Variants in SCLT1 observed in about 807,000 individuals in gnomAD.
SCLT1 encodes the protein sodium channel and clathrin linker 1, also known as sodium channel-associated protein 1.
A neutral mutation model predicts 112.8 loss-of-function variants in SCLT1; 78 were observed. The observed-to-expected ratio is 0.69, with a 90% CI of 0.58 to 0.83. The LOEUF is 0.83. Ranked by LOEUF, SCLT1 falls within the 40% of genes least tolerant of loss-of-function variation. The pLI is 0.00. For missense variants in SCLT1, 747 were observed against 770.4 expected (o/e 0.97, Z 0.36); for synonymous variants, 257 against 254.7 (o/e 1.01, Z -0.09).
intron 10 of SCLT1, among the ~76,000 whole-genome samples, chr4:128,969,432 C>T (rs1354306142): frequency 2.6e-5 from 4 of 151,936 alleles, no homozygotes; most frequent in South Asian, 2.1e-4. Context: ...ATTAGCCAGG[C>T]GTGGCGGCGT....
chr4:129,079,770 T>C (rs1751777249), intron 2 of SCLT1, among the ~76,000 whole-genome samples: 1 of 152,244 alleles, frequency 6.6e-6, no homozygotes, highest in Non-Finnish European at 1.5e-5. Context: ...CTACATTTCC[T>C]CTTTGCACTG....
intron 15 of SCLT1, among the ~76,000 whole-genome samples, chr4:128,947,221 A>G (rs909335883): frequency 6.6e-6 from 1 of 152,166 alleles, no homozygotes; most frequent in Non-Finnish European, 1.5e-5. Context: ...TTTGCCTTGT[A>G]AGTTTTACAT....
intron 2 of SCLT1, among the ~76,000 whole-genome samples, chr4:129,071,620 C>G (rs1381271777): frequency 6.6e-6 from 1 of 152,048 alleles, no homozygotes; most frequent in Admixed American, 6.6e-5. Flanking sequence ...ATGACTACTC[C>G]TGCTCGCTTT....
intron 4 of SCLT1, chr4:129,039,900 GCACACACACA>G (rs36041794): frequency 0.011 from 2,383 of 218,982 alleles, 46 homozygotes; most frequent in African/African-American, 0.048. Flanking sequence ...GTGCGCGCGC[GCACACACACA>G]CACACACACA....
chr4:128,973,787 T>C (rs1740911980), intron 9 of SCLT1, among the ~76,000 whole-genome samples: 1 of 152,198 alleles, frequency 6.6e-6, no homozygotes, highest in African/African-American at 2.4e-5. Flanking sequence ...TATTATATTA[T>C]GTTCACTAAA....
At chr4:128,922,484 G>C (rs1220220294) in intron 18 of SCLT1, among the ~76,000 whole-genome samples, 2 of 152,096 alleles carry the variant, frequency 1.3e-5, no homozygotes, top group Non-Finnish European at 2.9e-5. Flanking sequence ...AAAAGAATGA[G>C]ATTATGTCCT....
chr4:129,058,616 G>T (rs989601952), intron 2 of SCLT1, among the ~76,000 whole-genome samples: 14 of 152,100 alleles, frequency 9.2e-5, no homozygotes, highest in Non-Finnish European at 1.6e-4. Flanking sequence ...GTTGAGACTT[G>T]TTTTGTGGCC....
chr4:128,895,496 T>C (rs1414738295), intron 18 of SCLT1, among the ~76,000 whole-genome samples: 2 of 152,176 alleles, frequency 1.3e-5, no homozygotes, highest in Admixed American at 1.3e-4. Flanking sequence ...TTTTAGATTG[T>C]GTTTTTCGGA....
chr4:129,058,004 C>T (rs1394477295), intron 2 of SCLT1, among the ~76,000 whole-genome samples: 2 of 152,260 alleles, frequency 1.3e-5, no homozygotes, highest in Non-Finnish European at 2.9e-5. Flanking sequence ...CCACTTTGGC[C>T]TCCCAAAGTG....
intron 6 of SCLT1, among the ~76,000 whole-genome samples, chr4:129,002,451 T>C (rs912455345): frequency 2.6e-5 from 4 of 152,034 alleles, no homozygotes; most frequent in African/African-American, 9.7e-5. Flanking sequence ...AAAAATATAG[T>C]ACTCTTAATA....
chr4:129,087,755 TAAAAAAAA>T (rs71589026), intron 1 of SCLT1, among the ~76,000 whole-genome samples: 1 of 104,464 alleles, frequency 9.6e-6, no homozygotes, highest in Non-Finnish European at 1.8e-5. Flanking sequence ...TTGCGCAAGT[TAAAAAAAA>T]AAAAAAAAAA....
intron 18 of SCLT1, among the ~76,000 whole-genome samples, chr4:128,911,912 G>T (rs1271769599): frequency 6.6e-6 from 1 of 152,182 alleles, no homozygotes; most frequent in Admixed American, 6.5e-5. Flanking sequence ...AAGATTCAAT[G>T]CATACAACTA....
intron 18 of SCLT1, among the ~76,000 whole-genome samples, chr4:128,914,791 C>T (rs765634429): frequency 6.6e-6 from 1 of 152,068 alleles, no homozygotes; most frequent in Non-Finnish European, 1.5e-5. Context: ...ATAGTTTCTT[C>T]TACAGTATTT....
intron 9 of SCLT1, among the ~76,000 whole-genome samples, chr4:128,982,665 C>A (rs1328602639): frequency 2.6e-5 from 4 of 152,020 alleles, no homozygotes; most frequent in Non-Finnish European, 5.9e-5. Context: ...CCATGCCCGG[C>A]TAATTTTTGT....
chr4:128,923,409 C>T (rs1736030059), intron 18 of SCLT1, among the ~76,000 whole-genome samples: 1 of 137,468 alleles, frequency 7.3e-6, no homozygotes, highest in South Asian at 2.3e-4. Context: ...CGTGCCACTG[C>T]ACTCCAGCCT....
At chr4:128,967,501 C>T (rs966285291) in intron 10 of SCLT1, among the ~76,000 whole-genome samples, 4 of 152,154 alleles carry the variant, frequency 2.6e-5, no homozygotes, top group African/African-American at 7.2e-5. Context: ...CTTTTCTCAG[C>T]AATATTGCCG....
At chr4:129,032,939 T>C (rs991288900) in intron 5 of SCLT1, among the ~76,000 whole-genome samples, 6 of 152,122 alleles carry the variant, frequency 3.9e-5, no homozygotes, top group African/African-American at 1.4e-4. Context: ...TCCTCAAGGA[T>C]CTAGAACCAG....
intron 9 of SCLT1, among the ~76,000 whole-genome samples, chr4:128,981,564 G>T (rs1741654411): frequency 6.6e-6 from 1 of 151,920 alleles, no homozygotes; most frequent in South Asian, 2.1e-4. Context: ...CCCTACCCAG[G>T]AACTGACTCA....
intron 4 of SCLT1, chr4:128,875,050 A>G (rs1732470609): frequency 6.6e-6 from 1 of 151,644 alleles, no homozygotes. Context: ...AAATTAAAGT[A>G]TATGTAGAGA....
Sources: allele counts gnomAD v4.1 joint callset (sites outside exome capture counted in the v4.1 genomes callset), GRCh38; gene constraint gnomAD v4.1.1; transcripts MANE v1.5; gene names NCBI Gene and HGNC (gene_info 2026-07-23, HGNC 2026-07-21).